The following PWWP2A variants were observed in gnomAD, a reference collection of about 807,000 sequenced individuals.
PWWP2A encodes the protein PWWP domain containing 2A.
Under a neutral mutation model 48.5 loss-of-function variants are expected in PWWP2A, and 18 were observed. The observed-to-expected ratio is 0.37, with a 90% CI of 0.26 to 0.55. The LOEUF (loss-of-function observed/expected upper bound fraction) is 0.55. Among genes scored for constraint, PWWP2A ranks in the 20% least tolerant of loss-of-function variants. PWWP2A has a pLI of 0.81. For missense variants in PWWP2A, 867 were observed against 976.4 expected (o/e 0.89, Z 1.49); for synonymous variants, 396 against 387.7 (o/e 1.02, Z -0.25).
chr5:160,065,110 G>A, intron 4 of PWWP2A: 1 of 1,593,404 alleles, frequency 6.3e-7, no homozygotes, highest in Non-Finnish European at 8.5e-7. Context: ...ATTGTGTGCT[G>A]CTTGCTGTTA....
intron 2 of PWWP2A, among the ~76,000 whole-genome samples, chr5:160,070,190 G>A (rs1753709340): frequency 6.6e-6 from 1 of 152,036 alleles, no homozygotes. Context: ...GAACTAGCTG[G>A]GTGCAGTGGC....
chr5:160,115,652 C>T (rs1758052891), intron 1 of PWWP2A, among the ~76,000 whole-genome samples: 1 of 151,410 alleles, frequency 6.6e-6, no homozygotes, highest in Non-Finnish European at 1.5e-5. Flanking sequence ...GAGATCATGC[C>T]ACTGCACTCC....
chr5:160,051,130 G>A, the PWWP2A span: 1 of 1,597,354 alleles, frequency 6.3e-7, no homozygotes, highest in Non-Finnish European at 8.5e-7. Flanking sequence ...TTTCCTCAGA[G>A]ATTACCTAAG....
At chr5:160,109,134 C>G (rs1019641592) in intron 1 of PWWP2A, among the ~76,000 whole-genome samples, 4 of 152,126 alleles carry the variant, frequency 2.6e-5, no homozygotes, top group African/African-American at 9.7e-5. Context: ...CAGGTGCACA[C>G]CACCACACCC....
the PWWP2A span, among the ~76,000 whole-genome samples, chr5:160,045,473 C>T: frequency 2.0e-5 from 2 of 101,976 alleles, no homozygotes; most frequent in African/African-American, 8.4e-5. Context: ...CACACACACA[C>T]ACACACACAC....
At chr5:160,083,708 G>A (rs186652709) in intron 2 of PWWP2A, among the ~76,000 whole-genome samples, 28 of 152,250 alleles carry the variant, frequency 1.8e-4, no homozygotes, top group Admixed American at 1.6e-3. Flanking sequence ...GATGGTCATC[G>A]GTCATTAGGA....
chr5:160,072,896 C>T (rs1039779560), downstream of PWWP2A, among the ~76,000 whole-genome samples: 15 of 148,036 alleles, frequency 1.0e-4, no homozygotes, highest in African/African-American at 5.0e-5. Flanking sequence ...CCCAGCTACT[C>T]GGGAGGCTGA....
chr5:160,103,461 T>C (rs901345044), intron 1 of PWWP2A, among the ~76,000 whole-genome samples: 1 of 152,150 alleles, frequency 6.6e-6, no homozygotes, highest in African/African-American at 2.4e-5. Context: ...TCTGATAGTA[T>C]AAAACAGTCT....
At chr5:160,096,693 A>G (rs73311162) in intron 1 of PWWP2A, among the ~76,000 whole-genome samples, 1,944 of 152,264 alleles carry the variant, frequency 0.013, 48 homozygotes, top group African/African-American at 0.045. Context: ...GCAGTGGTGC[A>G]ATCATGGATT....
rs1209980868 is a variant in PWWP2A, at chr5:160,077,760, A to G, written c.*395T>C. 1 of 178,462 alleles carries G rather than the reference A, an allele frequency of 5.6e-6. No individual in the cohort carries two copies. Among genetic ancestry groups the G allele is most frequent in the Non-Finnish European group, 1.2e-5 (1 of 83,650 alleles). The allele number at this position is 178,462 out of a possible 1,614,324, so 11.1% of individuals were successfully genotyped here. On this transcript the variant is annotated 3_prime_UTR_variant, in exon 4 of 4. Transcript: ENST00000456329. The surrounding 1 kb of genome is among the most constrained non-coding windows in gnomAD (Gnocchi z 4.2). ...AACCTTGGAGAAAGCACAAAGTTTA[A>G]GTATGAAAAATAATTCAGCATTTCT...
At chr5:160,106,439 A>C (rs1159282308) in intron 1 of PWWP2A, among the ~76,000 whole-genome samples, 1 of 152,232 alleles carries the variant, frequency 6.6e-6, no homozygotes, top group Non-Finnish European at 1.5e-5. Context: ...TTGAAAATAC[A>C]TAGTAGCTAC....
downstream of PWWP2A, among the ~76,000 whole-genome samples, chr5:160,072,342 T>TA (rs1244705866): frequency 1.6e-3 from 239 of 151,914 alleles, 3 homozygotes; most frequent in African/African-American, 5.5e-3. Flanking sequence ...AAAAGTCAAT[T>TA]AAAAAAAATG....
chr5:160,114,838 A>C (rs1757948338), intron 1 of PWWP2A, among the ~76,000 whole-genome samples: 1 of 151,240 alleles, frequency 6.6e-6, no homozygotes, highest in Non-Finnish European at 1.5e-5. Flanking sequence ...TCTACAAAAA[A>C]TTTTAAAATT....
In PWWP2A at chr5:160,119,426, A is replaced by AGCG. The variant is rs1160856248; in HGVS notation, c.-41_-39dup. 2.5e-5 allele frequency: 34 copies of AGCG among 1,347,816 alleles called. No individual in the cohort carries two copies. Among genetic ancestry groups the AGCG allele is most frequent in the East Asian group, 1.3e-4 (4 of 31,956 alleles). 83.5% of individuals were successfully genotyped at this position (1,347,816 alleles called of 1,614,324 possible). ...TTCTCCCTCCTCCAACTCCGGCTGC[A>AGCG]GCGGCGGCGGCGACAGCGCTGCTTG... On this transcript the variant is annotated 5_prime_UTR_variant, in exon 1 of 2. Transcript: ENST00000307063.
At chr5:160,045,405 A>T in the PWWP2A span, among the ~76,000 whole-genome samples, 1 of 151,370 alleles carries the variant, frequency 6.6e-6, no homozygotes, top group African/African-American at 2.4e-5. Flanking sequence ...AATTACATTT[A>T]TATCAATATG....
chr5:160,094,278 A>G (rs1473007346), intron 1 of PWWP2A, among the ~76,000 whole-genome samples: 1 of 152,228 alleles, frequency 6.6e-6, no homozygotes, highest in Non-Finnish European at 1.5e-5. Context: ...AAAAACAAAC[A>G]GCTGCCCTAA....
chr5:160,118,483 C>G (rs59708178), intron 1 of PWWP2A, among the ~76,000 whole-genome samples: 6,033 of 140,446 alleles, frequency 0.043, 145 homozygotes, highest in East Asian at 0.13. Context: ...CTTGCATTAA[C>G]CCACCCGCCC....
At chr5:160,049,613 C>T in the PWWP2A span, 1 of 1,607,750 alleles carries the variant, frequency 6.2e-7, no homozygotes, top group Non-Finnish European at 8.5e-7. Flanking sequence ...GACTATAAAT[C>T]TATATTAGAA....
the PWWP2A span, among the ~76,000 whole-genome samples, chr5:160,050,627 C>G: frequency 6.4e-5 from 7 of 109,316 alleles, no homozygotes; most frequent in African/African-American, 2.1e-4. Context: ...CCAAACAAAA[C>G]TTTTTTTTTT....
Sources: allele counts gnomAD v4.1 joint callset (sites outside exome capture counted in the v4.1 genomes callset), GRCh38; gene constraint gnomAD v4.1.1; non-coding constraint Gnocchi (gnomAD v3.1); transcripts MANE v1.5; gene names NCBI Gene and HGNC (gene_info 2026-07-23, HGNC 2026-07-21).